Variants in CMTM6 observed in about 807,000 individuals in gnomAD.
The protein encoded by CMTM6 is CKLF like MARVEL transmembrane domain containing 6.
A neutral mutation model predicts 13.6 loss-of-function variants in CMTM6; 5 were observed. That is an observed-to-expected ratio of 0.37 (90% confidence interval 0.19 to 0.77). CMTM6 has a LOEUF of 0.77. Ranked by LOEUF, CMTM6 falls within the 30% of genes least tolerant of loss-of-function variation. The probability of loss-of-function intolerance (pLI) is 0.50; values close to 1 mark genes in which losing one functional copy is unlikely to be tolerated. For missense variants in CMTM6, 196 were observed against 218.6 expected (o/e 0.90, Z 0.65); for synonymous variants, 99 against 84.5 (o/e 1.17, Z -0.94).
At chr3:32,487,863 C>G (rs1376154868) in intron 3 of CMTM6, 75 bp downstream of exon 3, 1 of 1,024,366 alleles carries the variant, frequency 9.8e-7, no homozygotes, top group Non-Finnish European at 1.5e-6. Flanking sequence ...TGCTGTATAA[C>G]TTGTCAAGTA....
intron 2 of CMTM6, among the ~76,000 whole-genome samples, chr3:32,491,325 T>C (rs1436304635): frequency 6.6e-6 from 1 of 152,240 alleles, no homozygotes; most frequent in Non-Finnish European, 1.5e-5. Flanking sequence ...AGTTCATTAC[T>C]CTATCTCCAA....
At chr3:32,490,772 T>C (rs1196657336) in intron 2 of CMTM6, among the ~76,000 whole-genome samples, 2 of 152,226 alleles carry the variant, frequency 1.3e-5, no homozygotes, top group African/African-American at 4.8e-5. Flanking sequence ...TTTATGGTGA[T>C]ATTGTTTCAC....
In CMTM6 at chr3:32,502,782, G is replaced by A. The variant is rs1396320467; in HGVS notation, c.-37C>T. On this transcript the variant is annotated 5_prime_UTR_variant, in exon 1 of 4. Coordinates refer to ENST00000205636, the MANE Select transcript of CMTM6 (RefSeq NM_017801.3). ...GGGGAGCGCGGCGGCCGCAGCAACC[G>A]CGCCGTTGACTTCTCGGACTCCAGA... 1.4e-6 allele frequency: 2 copies of A among 1,399,204 alleles called. No homozygotes were observed. The highest frequency in any genetic ancestry group is 1.9e-6 in the Non-Finnish European group (2 of 1,076,620). 86.7% of individuals were successfully genotyped at this position (1,399,204 alleles called of 1,614,324 possible). A position where few individuals can be genotyped will look rare whatever the true frequency, so the allele number is the denominator to read the frequency against.
In CMTM6 at chr3:32,491,899, C is replaced by A; in HGVS notation, c.139-13G>T. On this transcript the variant is annotated splice_polypyrimidine_tract_variant and intron_variant, in intron 1 of 3. Transcript: ENST00000205636. ...GCAGAGACAGCAACTACAAATGAAG[C>A]AAAACATTTTACTTAAGTGTTTTTT... 1 of 1,590,834 alleles carries A rather than the reference C, an allele frequency of 6.3e-7. No homozygotes were observed. The highest frequency in any genetic ancestry group is 2.2e-5 in the East Asian group (1 of 44,548).
intron 3 of CMTM6, among the ~76,000 whole-genome samples, chr3:32,486,423 T>C (rs1051214594): frequency 1.3e-5 from 2 of 152,240 alleles, no homozygotes; most frequent in Admixed American, 6.5e-5. Flanking sequence ...CTTAGTCTTT[T>C]CTTATCCCTT....
At chr3:32,489,674 A>G (rs1365341891) in intron 2 of CMTM6, among the ~76,000 whole-genome samples, 2 of 151,562 alleles carry the variant, frequency 1.3e-5, no homozygotes, top group Non-Finnish European at 2.9e-5. Context: ...AAAAAAAAAG[A>G]GGTTTTCTCT....
At chr3:32,496,198 C>CAAA (rs11426299) in intron 1 of CMTM6, among the ~76,000 whole-genome samples, 6 of 78,062 alleles carry the variant, frequency 7.7e-5, no homozygotes, top group Non-Finnish European at 1.5e-4. Flanking sequence ...GAGACTATCT[C>CAAA]AAAAAAAAAA....
chr3:32,481,980 C>G lies in CMTM6; in HGVS notation c.*1980G>C, dbSNP rs535811226. On this transcript the variant is annotated 3_prime_UTR_variant, in exon 4 of 4. Coordinates refer to ENST00000205636, the MANE Select transcript of CMTM6 (RefSeq NM_017801.3). ...ACTAAGCCCAATACATGGGTGGTGA[C>G]CCTGAGGTAGCCCAGATGATATGCT... 5.3e-5 allele frequency: 8 copies of G among 152,310 alleles called. No individual in the cohort carries two copies. Among genetic ancestry groups the G allele is most frequent in the African/African-American group, 1.9e-4 (8 of 41,564 alleles). The allele number at this position is 152,310 out of a possible 1,614,324, so 9.4% of individuals were successfully genotyped here.
chr3:32,486,649 CA>C (rs1697207834), intron 3 of CMTM6, among the ~76,000 whole-genome samples: 1 of 152,114 alleles, frequency 6.6e-6, no homozygotes, highest in Non-Finnish European at 1.5e-5. Flanking sequence ...TTGTTGTACT[CA>C]AGGGTTTTTT....
chr3:32,496,285 A>G (rs1264086492), intron 1 of CMTM6, among the ~76,000 whole-genome samples: 1 of 151,870 alleles, frequency 6.6e-6, no homozygotes, highest in Non-Finnish European at 1.5e-5. Context: ...GCTATAGTCA[A>G]TATGAAATTC....
At chr3:32,485,702 A>G (rs1697197179) in intron 3 of CMTM6, among the ~76,000 whole-genome samples, 1 of 152,182 alleles carries the variant, frequency 6.6e-6, no homozygotes, top group Non-Finnish European at 1.5e-5. Context: ...ATGAATCAAG[A>G]TTCAGTGTTA....
chr3:32,487,023 A>T (rs1007395658), intron 3 of CMTM6, among the ~76,000 whole-genome samples: 2 of 152,118 alleles, frequency 1.3e-5, no homozygotes, highest in African/African-American at 4.8e-5. Flanking sequence ...TTTTCTTTAT[A>T]AGTTACCCAG....
At chr3:32,491,484 C>A (rs1697249529) in intron 2 of CMTM6, among the ~76,000 whole-genome samples, 1 of 152,204 alleles carries the variant, frequency 6.6e-6, no homozygotes. Context: ...CCACCAATAA[C>A]TGTAAACTAT....
intron 3 of CMTM6, among the ~76,000 whole-genome samples, chr3:32,485,850 G>A (rs1277192327): frequency 6.6e-6 from 1 of 152,068 alleles, no homozygotes; most frequent in Non-Finnish European, 1.5e-5. Flanking sequence ...TGATGTATTA[G>A]CTGACAACTC....
chr3:32,489,640 G>A (rs1175739760), intron 2 of CMTM6, among the ~76,000 whole-genome samples: 22 of 149,112 alleles, frequency 1.5e-4, no homozygotes, highest in African/African-American at 5.2e-4. Flanking sequence ...TGACAAGAAC[G>A]AAACTCTGTC....
At chr3:32,499,267 A>G (rs1216031067) in intron 1 of CMTM6, among the ~76,000 whole-genome samples, 2 of 152,236 alleles carry the variant, frequency 1.3e-5, no homozygotes, top group Non-Finnish European at 2.9e-5. Flanking sequence ...AATAATGAAA[A>G]GAGCATCAAT....
rs974875214 is a variant in CMTM6 at position 32,482,675 on chromosome 3, C to T, written c.*1285G>A. The T allele has an allele frequency of 2.6e-5, 4 of 151,382 alleles. No homozygotes were observed. The highest frequency in any genetic ancestry group is 9.7e-5 in the African/African-American group (4 of 41,110). 9.4% of individuals were successfully genotyped at this position (151,382 alleles called of 1,614,324 possible). A position where few individuals can be genotyped will look rare whatever the true frequency, so the allele number is the denominator to read the frequency against. On this transcript the variant is annotated 3_prime_UTR_variant, in exon 4 of 4. Coordinates refer to ENST00000205636, the MANE Select transcript of CMTM6 (RefSeq NM_017801.3). ...TGAGAATGGCTTGATTCTCTTATGC[C>T]ACCAACAGTATTAGTCTGGGCAGGG...
chr3:32,486,941 CTG>C (rs1414282738), intron 3 of CMTM6, among the ~76,000 whole-genome samples: 4 of 152,208 alleles, frequency 2.6e-5, no homozygotes, highest in Non-Finnish European at 5.9e-5. Flanking sequence ...TCTGCCATGA[CTG>C]TAAATTTCCT....
chr3:32,487,726 T>G (rs1014879046), intron 3 of CMTM6: 5 of 418,832 alleles, frequency 1.2e-5, no homozygotes, highest in Non-Finnish European at 2.2e-5. Flanking sequence ...TAAGTGGATT[T>G]TTTTTAAACA....
Sources: allele counts gnomAD v4.1 joint callset (sites outside exome capture counted in the v4.1 genomes callset), GRCh38; gene constraint gnomAD v4.1.1; transcripts MANE v1.5; gene names NCBI Gene and HGNC (gene_info 2026-07-23, HGNC 2026-07-21).